ZNF777: variants seen among roughly 807,000 people sequenced by gnomAD.
ZNF777 encodes the protein zinc finger protein 777.
Under a neutral mutation model 72.1 loss-of-function variants are expected in ZNF777, and 7 were observed. The observed-to-expected ratio is 0.10, with a 90% confidence interval of 0.06 to 0.18. The LOEUF (loss-of-function observed/expected upper bound fraction) is 0.18, where lower values mean the gene tolerates loss of function less well. Ranked by LOEUF, ZNF777 falls within the 10% of genes least tolerant of loss-of-function variation. The pLI, the probability that ZNF777 is intolerant of heterozygous loss-of-function variation, is 1.00. For synonymous variants in ZNF777, 545 were observed against 483.5 expected (o/e 1.13, Z -1.67); for missense variants, 828 against 1,128.6 (o/e 0.73, Z 3.82).
chr7:149,453,147 G>T (rs1012485760), intron 3 of ZNF777, among the ~76,000 whole-genome samples: 2 of 152,164 alleles, frequency 1.3e-5, no homozygotes, highest in African/African-American at 2.4e-5. Flanking sequence ...TGCAAAAAAA[G>T]ATGAGAGAGA....
intron 4 of ZNF777, among the ~76,000 whole-genome samples, chr7:149,449,541 G>C (rs528704179): frequency 3.3e-5 from 5 of 152,322 alleles, no homozygotes; most frequent in Admixed American, 2.0e-4. Flanking sequence ...CGTTGGGACA[G>C]CAGATTGTAT....
chr7:149,455,768 G>T lies in ZNF777; in HGVS notation c.255C>A (p.Ala85=). 2 of 1,603,260 alleles carry T rather than the reference G, an allele frequency of 1.2e-6. No homozygotes were observed. The highest frequency in any genetic ancestry group is 1.7e-6 in the Non-Finnish European group (2 of 1,174,106). ...GGAGAGAAGTCTCTTGCTCAGAAGCGGCAGAACACAGGAGTGAGGGTCCCT... is the reference window on the plus strand; with the variant it reads ...GGAGAGAAGTCTCTTGCTCAGAAGCTGCAGAACACAGGAGTGAGGGTCCCT... ...LQKGPSLLCS[A]ASEQETSLQG... is the part of the protein sequence containing the mutation. The change falls in exon 2 of 6, where the codon GCC becomes GCA. Residue 85 remains alanine, a synonymous_variant. Coordinates refer to ENST00000247930, the MANE Select transcript of ZNF777 (RefSeq NM_015694.3). This position sits in a 1 kb window ranked among gnomAD's most constrained non-coding sequence, Gnocchi z 4.2.
chr7:149,446,696 G>C (rs1188991430), intron 4 of ZNF777, among the ~76,000 whole-genome samples: 1 of 151,872 alleles, frequency 6.6e-6, no homozygotes, highest in Non-Finnish European at 1.5e-5. Context: ...CCCCATCTTA[G>C]GCAAACAAGA....
chr7:149,455,382 C>T lies in ZNF777; in HGVS notation c.641G>A (p.Gly214Glu). ...GTCGGCTATCTTCTTTTCATTTGTC[C>T]CCGTCCTGCCTTCCAGGGTCAGTAG... is the stretch of plus-strand genomic sequence containing the variant. ...MRLLTLEGRTGTNEKKIADCE... is the reference protein window; with the variant it reads ...MRLLTLEGRTETNEKKIADCE... The change falls in exon 2 of 6, where the codon GGG becomes GAG. Residue 214 changes from glycine to glutamate, a missense_variant. By Grantham distance (98) the Gly-to-Glu change is moderately conservative. This residue lies in a region of ZNF777 where 76 missense variants were observed against 157.3 expected (regional missense o/e 0.48). Coordinates refer to ENST00000247930, the MANE Select transcript of ZNF777 (RefSeq NM_015694.3). The surrounding 1 kb of genome is among the most constrained non-coding windows in gnomAD (Gnocchi z 4.2). The T allele has an allele frequency of 6.2e-7, 1 of 1,614,198 alleles. No individual in the cohort carries two copies. The highest frequency in any genetic ancestry group is 8.5e-7 in the Non-Finnish European group (1 of 1,180,046).
Position 149,455,857 on chromosome 7 carries a change from G to A in ZNF777, c.166C>T (p.Leu56=), listed in dbSNP as rs751764512. 3 of 1,614,044 alleles carry A rather than the reference G, an allele frequency of 1.9e-6. No individual in the cohort carries two copies. Among genetic ancestry groups the A allele is most frequent in the South Asian group, 2.2e-5 (2 of 91,068 alleles). Residue 56 remains leucine, a synonymous_variant, in exon 2 of 6, where the codon CTG becomes TTG. Coordinates refer to ENST00000247930, the MANE Select transcript of ZNF777 (RefSeq NM_015694.3). This position sits in a 1 kb window ranked among gnomAD's most constrained non-coding sequence, Gnocchi z 4.2. ...TTGGGAGCACTGGAAGTTTGGGGCA[G>A]GGAGCCTTGACGGGGAATGGTGGGA... ...LSPTIPRQGS[L]PQTSSAPKQE...
At chr7:149,452,644 A>T (rs1799747033) in intron 3 of ZNF777, among the ~76,000 whole-genome samples, 1 of 151,796 alleles carries the variant, frequency 6.6e-6, no homozygotes, top group Non-Finnish European at 1.5e-5. Context: ...AAAAAAAAAA[A>T]AAAAAGTAAA....
rs181419852 is a variant in ZNF777, at chr7:149,437,209, T to G, written c.1088-383A>C. On this transcript the variant is annotated intron_variant, in intron 4 of 5. Transcript: ENST00000247930. ...CACTGCAGCCTTGAACTCCTGGGCT[T>G]ACATGATCCTCCCATCTCAGCCTCC... is the stretch of plus-strand genomic sequence containing the variant. Among the ~76,000 whole-genome samples the G allele has an allele frequency of 3.9e-5, 6 of 152,266 alleles. No individual in the cohort carries two copies. The East Asian group carries it at 9.7e-4, about 25-fold the overall frequency.
At chr7:149,452,202 G>T (rs10282590) in intron 3 of ZNF777, among the ~76,000 whole-genome samples, 94,804 of 151,454 alleles carry the variant, frequency 0.63, 30,348 homozygotes, top group East Asian at 0.83. Flanking sequence ...GAGGCGGAGC[G>T]TGCAGTGAGC....
Position 149,453,187 on chromosome 7 carries a change from C to T in ZNF777, c.973+924G>A, listed in dbSNP as rs960212194. Among the ~76,000 whole-genome samples, 3 of 152,200 alleles carry T rather than the reference C, an allele frequency of 2.0e-5. No individual in the cohort carries two copies. The East Asian group carries it at 5.8e-4, about 29-fold the overall frequency. On this transcript the variant is annotated intron_variant, in intron 3 of 5. Coordinates refer to ENST00000247930, the MANE Select transcript of ZNF777 (RefSeq NM_015694.3). ...AGGCCAAAGTGTTCATGGTGGTTAC[C>T]TCTGGGGAGTGGTACTGGTGAATGG...
intron 1 of ZNF777, chr7:149,459,993 C>A (rs1163004402): frequency 3.2e-6 from 3 of 938,784 alleles, no homozygotes; most frequent in South Asian, 9.8e-5. Flanking sequence ...GGCGCCCCCA[C>A]CCCCCGCGCC....
chr7:149,454,227 G>A lies in ZNF777; in HGVS notation c.857C>T (p.Thr286Ile), dbSNP rs1363257623. ...SNGEVPKVPV[T>I]FDDVAVHFSE... ...GAAGTGCACAGCAACATCATCAAAT[G>A]TGACAGGGACCTGAAACCACACAAT... Residue 286 changes from threonine to isoleucine, a missense_variant, in exon 3 of 6, where the codon ACA becomes ATA. Thr to Ile is a moderately conservative substitution (Grantham distance 89). Around this residue, in one of 12 missense-constraint regions of ZNF777, gnomAD observed 76 missense variants for 157.3 expected, o/e 0.48. Coordinates refer to ENST00000247930, the MANE Select transcript of ZNF777 (RefSeq NM_015694.3). 1 of 1,614,070 alleles carries A rather than the reference G, an allele frequency of 6.2e-7. No individual in the cohort carries two copies. Among genetic ancestry groups the A allele is most frequent in the African/African-American group, 1.3e-5 (1 of 75,020 alleles).
intron 3 of ZNF777, among the ~76,000 whole-genome samples, chr7:149,453,365 A>G (rs934122551): frequency 6.6e-6 from 1 of 152,348 alleles, no homozygotes; most frequent in South Asian, 2.1e-4. Context: ...CTGGAATCAA[A>G]GTTTCTATGT....
In ZNF777 at chr7:149,436,481, C is replaced by T. The variant is rs1052449566; in HGVS notation, c.1339+94G>A. The T allele has an allele frequency of 1.5e-5, 22 of 1,434,936 alleles. No individual in the cohort carries two copies. In the African/African-American group the frequency reaches 2.8e-4, roughly 18 times the overall value. The allele number at this position is 1,434,936 out of a possible 1,614,324, so 88.9% of individuals were successfully genotyped here. A position where few individuals can be genotyped will look rare whatever the true frequency, so the allele number is the denominator to read the frequency against. On this transcript the variant is annotated intron_variant, in intron 5 of 5. Coordinates refer to ENST00000247930, the MANE Select transcript of ZNF777 (RefSeq NM_015694.3). The surrounding 1 kb of genome is among the most constrained non-coding windows in gnomAD (Gnocchi z 5.0). The stretch of plus-strand genomic sequence containing the variant: ...CTGTTGCCCCATCAGTGTCCAGCTA[C>T]CTCTCTGAAGGAACCACAGCTTTCC...
rs573297784 is a variant in ZNF777, at chr7:149,451,061, C to T, written c.1025G>A (p.Arg342Gln). ...GTCTTCCTGCTCCTGCATGGTGGGC[C>T]GCTCCCCGCGCTCCATCTGTGACAT... ...DLMSQMERGE[R>Q]PTMQEQEDSE... The change falls in exon 4 of 6, where the codon CGG (arginine) becomes CAG (glutamine). Residue 342 changes from arginine (R) to glutamine (Q), a missense_variant. By Grantham distance (43) the Arg-to-Gln change is conservative (BLOSUM62 1). Around this residue, in one of 12 missense-constraint regions of ZNF777, gnomAD observed 73 missense variants for 90.6 expected, o/e 0.81. Transcript: ENST00000247930. The T allele has an allele frequency of 3.8e-5, 61 of 1,613,990 alleles. No homozygotes were observed. The Middle Eastern group carries it at 4.9e-4, about 13-fold the overall frequency.
intron 3 of ZNF777, among the ~76,000 whole-genome samples, chr7:149,452,632 C>CAA (rs869183800): frequency 0.026 from 1,861 of 72,934 alleles, 49 homozygotes; most frequent in African/African-American, 0.066. Flanking sequence ...GACTCTGTCT[C>CAA]AAAAAAAAAA....
intron 4 of ZNF777, among the ~76,000 whole-genome samples, chr7:149,443,757 T>C (rs2116584918): frequency 6.6e-6 from 1 of 152,238 alleles, no homozygotes; most frequent in South Asian, 2.1e-4. Flanking sequence ...TATATATACA[T>C]ATTTTGTGTA....
chr7:149,436,501 C>G lies in ZNF777; in HGVS notation c.1339+74G>C. ...AGCTACCTCTCTGAAGGAACCACAG[C>G]TTTCCCAGGGGGCAGGGGCCCTCTG... On this transcript the variant is annotated intron_variant, in intron 5 of 5. Transcript: ENST00000247930. The surrounding 1 kb of genome is among the most constrained non-coding windows in gnomAD (Gnocchi z 5.0). 6.0e-6 allele frequency: 9 copies of G among 1,501,400 alleles called. No homozygotes were observed. The highest frequency in any genetic ancestry group is 8.0e-6 in the Non-Finnish European group (9 of 1,125,086). The allele number at this position is 1,501,400 out of a possible 1,614,324, so 93.0% of individuals were successfully genotyped here. A position where few individuals can be genotyped will look rare whatever the true frequency, so the allele number is the denominator to read the frequency against.
Position 149,455,474 on chromosome 7 carries a change from G to A in ZNF777, c.549C>T (p.Ile183=). Residue 183 remains isoleucine (I), a synonymous_variant, in exon 2 of 6, where the codon ATC becomes ATT. Transcript: ENST00000247930. The surrounding 1 kb of genome is among the most constrained non-coding windows in gnomAD (Gnocchi z 4.2). ...CGGCAGCCCACACAGCCAAGCGGGT[G>A]ATCTCTGCCGTGGGGAGCGGCTGTT... ...QKEQPLPTAE[I]TRLAVWAAVQ... is the part of the protein sequence containing the mutation. The A allele has an allele frequency of 6.2e-7, 1 of 1,614,180 alleles. No individual in the cohort carries two copies. The highest frequency in any genetic ancestry group is 8.5e-7 in the Non-Finnish European group (1 of 1,180,028).
In ZNF777 at chr7:149,459,588, T is replaced by A. The variant is rs555432938; in HGVS notation, c.-16+1227A>T. 1,910 of 969,792 alleles carry A rather than the reference T, an allele frequency of 2.0e-3. 3 individuals are homozygous for A. Among genetic ancestry groups the A allele is most frequent in the Middle Eastern group, 0.012 (23 of 1,876 alleles). The allele number at this position is 969,792 out of a possible 1,614,324, so 60.1% of individuals were successfully genotyped here. A position where few individuals can be genotyped will look rare whatever the true frequency, so the allele number is the denominator to read the frequency against. On this transcript the variant is annotated intron_variant, in intron 1 of 5. Transcript: ENST00000247930. ...GGCGGCCGCCGCCAGAGCCACCCCC[T>A]CCCCGTCCAGGCCCGCAGCCCTCTG...
Sources: gnomAD v4.1 joint callset for allele counts (sites outside exome capture counted in the v4.1 genomes callset) on GRCh38, gnomAD v4.1.1 for gene constraint, gnomAD v4.1.1 regional missense constraint, Gnocchi (gnomAD v3.1) non-coding constraint, MANE v1.5 for transcripts, NCBI Gene and HGNC (gene_info 2026-07-23, HGNC 2026-07-21) for gene names.